The following GULP1 variants were observed in gnomAD, a reference collection of about 807,000 sequenced individuals.
GULP1 encodes the protein GULP PTB domain containing engulfment adaptor 1.
GULP1 carries 19 observed loss-of-function variants against 40.9 expected under a neutral mutation model. The ratio of observed to expected loss-of-function variants is 0.46; its 90% CI spans 0.32 to 0.68. The LOEUF (loss-of-function observed/expected upper bound fraction) is 0.68, where lower values mean the gene tolerates loss of function less well. GULP1 is among the 30% of genes least tolerant of loss of function. The pLI, the probability that GULP1 is intolerant of heterozygous loss-of-function variation, is 0.03. For missense variants in GULP1, 312 were observed against 362.2 expected (o/e 0.86, Z 1.12); for synonymous variants, 119 against 117.6 (o/e 1.01, Z -0.08).
At chr2:188,369,596 C>T (rs925543535) in intron 1 of GULP1, among the ~76,000 whole-genome samples, 5 of 152,026 alleles carry the variant, frequency 3.3e-5, no homozygotes, top group African/African-American at 1.2e-4. Flanking sequence ...GGGATGACAG[C>T]TCCCTCTGTC....
intron 2 of GULP1, among the ~76,000 whole-genome samples, chr2:188,393,738 C>T (rs1039117265): frequency 1.3e-4 from 20 of 152,158 alleles, no homozygotes; most frequent in Non-Finnish European, 2.5e-4. Flanking sequence ...TTTAGAAACC[C>T]TTTTAGCATT....
intron 6 of GULP1, among the ~76,000 whole-genome samples, chr2:188,536,544 A>C (rs190498299): frequency 4.5e-4 from 69 of 152,232 alleles, no homozygotes; most frequent in African/African-American, 1.2e-3. Context: ...CCATTGGTCT[A>C]TGTACCTGTT....
chr2:188,325,494 A>AT (rs1175420196), intron 1 of GULP1, among the ~76,000 whole-genome samples: 48 of 152,148 alleles, frequency 3.2e-4, no homozygotes, highest in Admixed American at 4.6e-4. Flanking sequence ...TAAGCAAAAT[A>AT]TTTTTTTCTG....
At chr2:188,356,401 T>C (rs964727187) in intron 1 of GULP1, among the ~76,000 whole-genome samples, 1 of 152,008 alleles carries the variant, frequency 6.6e-6, no homozygotes, top group Non-Finnish European at 1.5e-5. Context: ...AACAAAGAAC[T>C]AGCTGAAGAA....
chr2:188,420,040 T>C (rs1035633921), intron 2 of GULP1, among the ~76,000 whole-genome samples: 1 of 152,186 alleles, frequency 6.6e-6, no homozygotes, highest in African/African-American at 2.4e-5. Flanking sequence ...TGTGTTCTGT[T>C]CCACTGGTCT....
At chr2:188,504,044 A>C (rs1045007123) in intron 4 of GULP1, among the ~76,000 whole-genome samples, 1 of 151,838 alleles carries the variant, frequency 6.6e-6, no homozygotes, top group Non-Finnish European at 1.5e-5. Flanking sequence ...GATAATTACC[A>C]TTCCTTAATT....
chr2:188,440,388 A>C (rs1272814757), intron 2 of GULP1, among the ~76,000 whole-genome samples: 1 of 152,216 alleles, frequency 6.6e-6, no homozygotes, highest in Non-Finnish European at 1.5e-5. Flanking sequence ...GGAATACCTC[A>C]ATCTTCAAGG....
At chr2:188,418,477 C>CA (rs1446914354) in intron 2 of GULP1, among the ~76,000 whole-genome samples, 1 of 151,854 alleles carries the variant, frequency 6.6e-6, no homozygotes, top group African/African-American at 2.4e-5. Context: ...ACTAAAAATA[C>CA]AAAAAATTAG....
chr2:188,421,305 C>G (rs1390800155), intron 2 of GULP1, among the ~76,000 whole-genome samples: 1 of 151,938 alleles, frequency 6.6e-6, no homozygotes, highest in East Asian at 1.9e-4. Flanking sequence ...AGACCTATGC[C>G]TGTATAAATT....
chr2:188,483,676 A>C (rs1267146836), intron 4 of GULP1, among the ~76,000 whole-genome samples, 184 bp downstream of exon 4: 3 of 152,104 alleles, frequency 2.0e-5, no homozygotes, highest in African/African-American at 7.2e-5. Flanking sequence ...TCTCTTTTTA[A>C]AAGTGTATTA....
intron 2 of GULP1, among the ~76,000 whole-genome samples, chr2:188,468,387 A>C (rs1216090619): frequency 2.0e-5 from 3 of 152,206 alleles, no homozygotes; most frequent in Non-Finnish European, 2.9e-5. Context: ...TAAAATTGAC[A>C]TACACTTTAA....
chr2:188,320,963 A>C (rs1354493030), intron 1 of GULP1, among the ~76,000 whole-genome samples: 1 of 151,586 alleles, frequency 6.6e-6, no homozygotes, highest in Admixed American at 6.6e-5. Context: ...TGTCCTTCAG[A>C]GTGAAATGTA....
At chr2:188,369,668 C>T (rs1249753478) in intron 1 of GULP1, among the ~76,000 whole-genome samples, 1 of 152,112 alleles carries the variant, frequency 6.6e-6, no homozygotes, top group Non-Finnish European at 1.5e-5. Flanking sequence ...CATTTTCTGT[C>T]TCGGTTTCTT....
chr2:188,535,007 T>G (rs544374552), intron 6 of GULP1, among the ~76,000 whole-genome samples: 8 of 151,368 alleles, frequency 5.3e-5, no homozygotes, highest in African/African-American at 1.9e-4. Context: ...CTTTAATATT[T>G]AATAATAAAT....
intron 2 of GULP1, among the ~76,000 whole-genome samples, chr2:188,399,695 A>AC (rs1010302872): frequency 1.6e-4 from 24 of 147,746 alleles, no homozygotes; most frequent in Non-Finnish European, 2.8e-4. Flanking sequence ...TACAAGAAAA[A>AC]AAAAAAAAAA....
At chr2:188,546,527 G>A (rs1051491850) in intron 7 of GULP1, among the ~76,000 whole-genome samples, 5 of 152,014 alleles carry the variant, frequency 3.3e-5, no homozygotes, top group African/African-American at 1.2e-4. Flanking sequence ...TAAAAATGAA[G>A]TAGAGCGTAT....
At chr2:188,450,093 A>G (rs1057480955) in intron 2 of GULP1, among the ~76,000 whole-genome samples, 1 of 152,192 alleles carries the variant, frequency 6.6e-6, no homozygotes, top group Non-Finnish European at 1.5e-5. Flanking sequence ...TGTACATGAT[A>G]TGAAGAAATT....
intron 1 of GULP1, among the ~76,000 whole-genome samples, chr2:188,304,669 G>A (rs1293391482): frequency 6.6e-6 from 1 of 152,118 alleles, no homozygotes; most frequent in Non-Finnish European, 1.5e-5. Flanking sequence ...CCTGGCAGAT[G>A]CTCGATTCCT....
chr2:188,576,898 T>C (rs879764966), intron 9 of GULP1, among the ~76,000 whole-genome samples: 1 of 152,152 alleles, frequency 6.6e-6, no homozygotes, highest in Non-Finnish European at 1.5e-5. Flanking sequence ...TTCCATTTAT[T>C]ACATTCATAT....
Sources: allele counts gnomAD v4.1 joint callset (sites outside exome capture counted in the v4.1 genomes callset), GRCh38; gene constraint gnomAD v4.1.1; transcripts MANE v1.5; gene names NCBI Gene and HGNC (gene_info 2026-07-23, HGNC 2026-07-21).